The following CMIP variants were observed in gnomAD, a reference collection of about 807,000 sequenced individuals.
The protein encoded by CMIP is c-Maf inducing protein, also known as C-Maf-inducing protein.
CMIP carries 13 observed loss-of-function variants against 97.3 expected under a neutral mutation model. The observed-to-expected ratio is 0.13, with a 90% CI of 0.09 to 0.21. CMIP has a LOEUF of 0.21. Among genes scored for constraint, CMIP ranks in the 10% least tolerant of loss-of-function variants. CMIP has a pLI of 1.00. For missense variants in CMIP, 847 were observed against 1,024.9 expected (o/e 0.83, Z 2.37); for synonymous variants, 538 against 436.3 (o/e 1.23, Z -2.91).
At chr16:81,651,584 G>A (rs1320379734) in intron 3 of CMIP, among the ~76,000 whole-genome samples, 3 of 152,182 alleles carry the variant, frequency 2.0e-5, no homozygotes, top group East Asian at 1.9e-4. Flanking sequence ...GTCTTCAAGC[G>A]ACCTCTTGGG....
At chr16:81,474,733 G>A (rs1326497210) in intron 1 of CMIP, among the ~76,000 whole-genome samples, 1 of 152,188 alleles carries the variant, frequency 6.6e-6, no homozygotes, top group Non-Finnish European at 1.5e-5. Context: ...TCCTCCTGGG[G>A]CTCCCTCTCC....
At chr16:81,643,092 C>G (rs948496719) in intron 3 of CMIP, among the ~76,000 whole-genome samples, 1 of 152,176 alleles carries the variant, frequency 6.6e-6, no homozygotes, top group Non-Finnish European at 1.5e-5. Flanking sequence ...GACACAGTTC[C>G]ACCCACAACA....
chr16:81,502,156 G>A (rs1296734161), intron 1 of CMIP, among the ~76,000 whole-genome samples: 2 of 152,210 alleles, frequency 1.3e-5, no homozygotes, highest in African/African-American at 4.8e-5. Context: ...GTACCCAGCT[G>A]CTAGGAGGCA....
In CMIP at chr16:81,489,616, C is replaced by A. The variant is rs140313867; in HGVS notation, c.300+44075C>A. 9.6e-4 allele frequency among the ~76,000 whole-genome samples: 146 copies of A among 152,328 alleles called. No homozygotes were observed. In the East Asian group the frequency reaches 0.026, roughly 27 times the overall value. On this transcript the variant is annotated intron_variant, in intron 1 of 20. Transcript: ENST00000537098. Reference sequence around the variant, plus strand: ...CTGTCACCAAACAGACCCACGAGGCCACCATTCTCCCAGGACCCAGCTGTG... The same window carrying A: ...CTGTCACCAAACAGACCCACGAGGCAACCATTCTCCCAGGACCCAGCTGTG...
At chr16:81,467,167 G>A (rs1262057977) in intron 1 of CMIP, among the ~76,000 whole-genome samples, 2 of 152,156 alleles carry the variant, frequency 1.3e-5, no homozygotes, top group Admixed American at 1.3e-4. Context: ...CACGCCCTTG[G>A]GCTGGACGTG....
intron 3 of CMIP, among the ~76,000 whole-genome samples, chr16:81,642,155 C>T (rs1223721782): frequency 2.0e-5 from 3 of 152,236 alleles, no homozygotes; most frequent in Non-Finnish European, 4.4e-5. Flanking sequence ...AGTGTGCGTG[C>T]TTGCTGTTCT....
intron 1 of CMIP, among the ~76,000 whole-genome samples, chr16:81,579,151 AC>A (rs928916012): frequency 3.3e-5 from 5 of 152,014 alleles, no homozygotes. Flanking sequence ...TGGGGATGGC[AC>A]CCCCCTGCCT....
At chr16:81,703,054 G>T (rs1482839328) in intron 17 of CMIP, among the ~76,000 whole-genome samples, 1 of 152,070 alleles carries the variant, frequency 6.6e-6, no homozygotes, top group African/African-American at 2.4e-5. Context: ...GTCTTTAAGG[G>T]TCTTATTTCC....
At chr16:81,578,189 CA>C (rs1257690034) in intron 1 of CMIP, among the ~76,000 whole-genome samples, 2 of 151,668 alleles carry the variant, frequency 1.3e-5, no homozygotes, top group Admixed American at 6.6e-5. Flanking sequence ...ACATTATTAT[CA>C]CTGTCACCAT....
chr16:81,609,643 G>A (rs2098030469), intron 2 of CMIP, among the ~76,000 whole-genome samples: 1 of 152,204 alleles, frequency 6.6e-6, no homozygotes, highest in Admixed American at 6.5e-5. Flanking sequence ...TATTTGGCCT[G>A]GGGGGCCAAA....
intron 1 of CMIP, among the ~76,000 whole-genome samples, chr16:81,584,424 G>A (rs572665886): frequency 6.6e-6 from 1 of 152,296 alleles, no homozygotes; most frequent in South Asian, 2.1e-4. Flanking sequence ...TAGGTTGTTT[G>A]TTTCAAGCTG....
intron 1 of CMIP, among the ~76,000 whole-genome samples, chr16:81,605,781 G>A (rs952592345): frequency 6.6e-6 from 1 of 152,166 alleles, no homozygotes; most frequent in African/African-American, 2.4e-5. Flanking sequence ...TATTTATTTA[G>A]ATATTTTGTT....
chr16:81,670,988 C>T (rs892910431), intron 8 of CMIP, among the ~76,000 whole-genome samples: 20 of 152,244 alleles, frequency 1.3e-4, no homozygotes, highest in African/African-American at 4.6e-4. Context: ...GTTACGACTC[C>T]TGGCTAATTT....
intron 1 of CMIP, among the ~76,000 whole-genome samples, chr16:81,556,084 C>T (rs867287230): frequency 4.6e-5 from 7 of 152,154 alleles, no homozygotes; most frequent in Admixed American, 1.3e-4. Flanking sequence ...GCAGACCCAG[C>T]GGTGAGCTAT....
intron 1 of CMIP, among the ~76,000 whole-genome samples, chr16:81,550,231 C>T (rs558816446): frequency 2.6e-5 from 4 of 152,342 alleles, no homozygotes; most frequent in Non-Finnish European, 4.4e-5. Context: ...ATTGCATGAT[C>T]TGAGGCTGGT....
At chr16:81,470,129 A>G (rs964591398) in intron 1 of CMIP, among the ~76,000 whole-genome samples, 3 of 152,250 alleles carry the variant, frequency 2.0e-5, no homozygotes, top group Non-Finnish European at 4.4e-5. Flanking sequence ...ATCAGACACA[A>G]CTTTTGACAG....
intron 1 of CMIP, among the ~76,000 whole-genome samples, chr16:81,474,348 C>A (rs2150749902): frequency 6.6e-6 from 1 of 152,226 alleles, no homozygotes; most frequent in African/African-American, 2.4e-5. Flanking sequence ...TTCTCCTGCA[C>A]CCTCTTTTTC....
At chr16:81,451,461 C>T (rs546505570) in intron 1 of CMIP, among the ~76,000 whole-genome samples, 5 of 152,214 alleles carry the variant, frequency 3.3e-5, no homozygotes, top group African/African-American at 1.2e-4. Flanking sequence ...TGGGAACGGA[C>T]TAATACACTC....
intron 1 of CMIP, among the ~76,000 whole-genome samples, chr16:81,513,929 C>T (rs542124407): frequency 3.3e-5 from 5 of 152,356 alleles, no homozygotes; most frequent in Non-Finnish European, 7.3e-5. Flanking sequence ...CTTGCCCCCA[C>T]TGCCCAGTGC....
Sources: allele counts gnomAD v4.1 joint callset (sites outside exome capture counted in the v4.1 genomes callset), GRCh38; gene constraint gnomAD v4.1.1; transcripts MANE v1.5; gene names NCBI Gene and HGNC (gene_info 2026-07-23, HGNC 2026-07-21).